The following ANKS1B variants were observed in gnomAD, a reference collection of about 807,000 sequenced individuals.
ANKS1B encodes the protein ankyrin repeat and sterile alpha motif domain-containing protein 1B.
A neutral mutation model predicts 148.3 loss-of-function variants in ANKS1B; 36 were observed. The ratio of observed to expected loss-of-function variants is 0.24; its 90% CI spans 0.19 to 0.32. The LOEUF (loss-of-function observed/expected upper bound fraction) is 0.32, where lower values mean the gene tolerates loss of function less well. Ranked by LOEUF, ANKS1B falls within the 10% of genes least tolerant of loss-of-function variation. The pLI, the probability that ANKS1B is intolerant of heterozygous loss-of-function variation, is 1.00. For synonymous variants in ANKS1B, 542 were observed against 560.8 expected (o/e 0.97, Z 0.47); for missense variants, 1,157 against 1,542.6 (o/e 0.75, Z 4.19).
intron 12 of ANKS1B, among the ~76,000 whole-genome samples, chr12:99,330,756 C>T (rs553539698): frequency 6.6e-6 from 1 of 152,052 alleles, no homozygotes; most frequent in Admixed American, 6.6e-5. Context: ...GCTAATAGAA[C>T]CTAATGCTTC....
At chr12:99,520,072 A>C (rs2096860241) in intron 9 of ANKS1B, among the ~76,000 whole-genome samples, 1 of 152,176 alleles carries the variant, frequency 6.6e-6, no homozygotes, top group Non-Finnish European at 1.5e-5. Context: ...CTCATTGTAT[A>C]ATCTTTCTAC....
At chr12:99,591,911 T>A (rs2097706893) in intron 9 of ANKS1B, among the ~76,000 whole-genome samples, 1 of 152,214 alleles carries the variant, frequency 6.6e-6, no homozygotes, top group Admixed American at 6.5e-5. Flanking sequence ...ACAATCTTTT[T>A]CAATTGCTGT....
intron 12 of ANKS1B, among the ~76,000 whole-genome samples, chr12:99,387,384 G>A (rs1361970625): frequency 3.9e-5 from 6 of 152,082 alleles, no homozygotes; most frequent in African/African-American, 1.2e-4. Context: ...TTGGGAGGCC[G>A]AGGTGGGTGG....
chr12:99,453,363 T>C (rs1314768028), intron 10 of ANKS1B, among the ~76,000 whole-genome samples: 2 of 152,076 alleles, frequency 1.3e-5, no homozygotes, highest in Admixed American at 1.3e-4. Context: ...AAAAAAAGAC[T>C]GTGGCTTCCG....
At chr12:99,965,325 TTAA>T (rs2095471880) in intron 1 of ANKS1B, among the ~76,000 whole-genome samples, 1 of 152,080 alleles carries the variant, frequency 6.6e-6, no homozygotes, top group Non-Finnish European at 1.5e-5. Flanking sequence ...AGCATCAAAA[TTAA>T]TAATGATAGC....
intron 12 of ANKS1B, among the ~76,000 whole-genome samples, chr12:99,330,379 GAA>G (rs1010010150): frequency 2.6e-5 from 4 of 151,808 alleles, no homozygotes; most frequent in African/African-American, 4.8e-5. Context: ...TGAGTGCCAG[GAA>G]ATGCAGTTTA....
At chr12:98,842,745 G>C (rs904365346) in intron 17 of ANKS1B, among the ~76,000 whole-genome samples, 2 of 152,186 alleles carry the variant, frequency 1.3e-5, no homozygotes, top group Non-Finnish European at 2.9e-5. Flanking sequence ...GGAAGGGTGA[G>C]CAACATATAC....
intron 8 of ANKS1B, among the ~76,000 whole-genome samples, chr12:99,714,209 G>A (rs184679097): frequency 7.2e-5 from 11 of 151,768 alleles, no homozygotes; most frequent in Admixed American, 4.6e-4. Flanking sequence ...CTCTCCCTCT[G>A]CTTCTGTCAT....
chr12:99,664,649 A>G (rs1436619548), intron 8 of ANKS1B, among the ~76,000 whole-genome samples: 2 of 152,114 alleles, frequency 1.3e-5, no homozygotes, highest in African/African-American at 4.8e-5. Context: ...CACCACCACA[A>G]TCAAGATACA....
chr12:99,333,390 A>G lies in ANKS1B; in HGVS notation c.1756+66241T>C, dbSNP rs376680774. ...GAAGCAGGTGCACAATTATAAGCAC[A>G]GTTTCATTACTCATTTTAGGATACC... On this transcript the variant is annotated intron_variant, in intron 12 of 26. Transcript: ENST00000683438. Among the ~76,000 whole-genome samples, 44 of 152,242 alleles carry G rather than the reference A, an allele frequency of 2.9e-4. 1 individual carries two copies. The South Asian group carries it at 8.9e-3, about 31-fold the overall frequency.
chr12:99,354,678 A>C (rs2091804490), intron 12 of ANKS1B, among the ~76,000 whole-genome samples: 2 of 152,076 alleles, frequency 1.3e-5, no homozygotes, highest in Non-Finnish European at 1.5e-5. Context: ...ACTAGGCCAA[A>C]CACCCATAAT....
chr12:99,742,676 T>C (rs757559347), intron 8 of ANKS1B, among the ~76,000 whole-genome samples: 21 of 150,624 alleles, frequency 1.4e-4, no homozygotes, highest in Non-Finnish European at 2.2e-4. Flanking sequence ...CTACTAAAAA[T>C]ACAAAAAAAA....
intron 11 of ANKS1B, 111 bp from the exon 12 acceptor site, chr12:99,399,922 G>A: frequency 1.0e-6 from 1 of 956,204 alleles, no homozygotes; most frequent in East Asian, 2.5e-5. Flanking sequence ...AAACTATCTG[G>A]GTTTTATACT....
chr12:98,959,663 G>A (rs2099868036), intron 17 of ANKS1B, among the ~76,000 whole-genome samples: 1 of 152,222 alleles, frequency 6.6e-6, no homozygotes. Context: ...GTGGAGTAGA[G>A]CACCAAGCAG....
chr12:99,673,351 C>T (rs1401047501), intron 8 of ANKS1B, among the ~76,000 whole-genome samples: 3 of 151,956 alleles, frequency 2.0e-5, no homozygotes, highest in Non-Finnish European at 4.4e-5. Flanking sequence ...TTCTTAGAGG[C>T]AAATAATAGA....
At chr12:99,689,239 TAATA>T (rs1420074773) in intron 8 of ANKS1B, among the ~76,000 whole-genome samples, 6 of 152,248 alleles carry the variant, frequency 3.9e-5, no homozygotes, top group Admixed American at 6.5e-5. Flanking sequence ...TTTGAATTCC[TAATA>T]ATTAGACTGG....
At chr12:99,047,218 G>T (rs1387115739) in intron 17 of ANKS1B, among the ~76,000 whole-genome samples, 1 of 152,068 alleles carries the variant, frequency 6.6e-6, no homozygotes, top group Admixed American at 6.5e-5. Context: ...TGGCCAACAT[G>T]GTGAAACCCT....
intron 14 of ANKS1B, among the ~76,000 whole-genome samples, chr12:99,234,172 C>G (rs559600448): frequency 6.6e-6 from 1 of 152,258 alleles, no homozygotes; most frequent in East Asian, 1.9e-4. Flanking sequence ...ACAACACATA[C>G]TACATAAAAC....
At chr12:99,696,826 CAT>C (rs1223648202) in intron 8 of ANKS1B, among the ~76,000 whole-genome samples, 1 of 152,164 alleles carries the variant, frequency 6.6e-6, no homozygotes, top group African/African-American at 2.4e-5. Context: ...TGGCAAAACA[CAT>C]ATCTGATAAA....
Sources: gnomAD v4.1 joint callset for allele counts (sites outside exome capture counted in the v4.1 genomes callset) on GRCh38, gnomAD v4.1.1 for gene constraint, MANE v1.5 for transcripts, NCBI Gene and HGNC (gene_info 2026-07-23, HGNC 2026-07-21) for gene names.